The following PRKAR1A variants were observed in gnomAD, a reference collection of about 807,000 sequenced individuals.
PRKAR1A encodes protein kinase cAMP-dependent type I regulatory subunit alpha.
A neutral mutation model predicts 52.0 loss-of-function variants in PRKAR1A; 3 were observed. The observed-to-expected ratio is 0.06, with a 90% confidence interval of 0.03 to 0.15. The LOEUF is 0.15. Among genes scored for constraint, PRKAR1A ranks in the 10% least tolerant of loss-of-function variants. PRKAR1A has a pLI of 1.00. For synonymous variants in PRKAR1A, 188 were observed against 168.4 expected (o/e 1.12, Z -0.90); for missense variants, 240 against 477.4 (o/e 0.50, Z 4.63).
chr17:68,453,016 G>A, the PRKAR1A span: 1 of 1,586,784 alleles, frequency 6.3e-7, no homozygotes, highest in Non-Finnish European at 8.7e-7. Context: ...TGACAGCATG[G>A]GAATAACGAC....
chr17:68,534,560 C>CTTTTTTTTTTTTTTTTTATTTT (rs2086052986), downstream of PRKAR1A, among the ~76,000 whole-genome samples: 1 of 111,056 alleles, frequency 9.0e-6, no homozygotes. Context: ...TTTTTAGTGC[C>CTTTTTTTTTTTTTTTTTATTTT]TTTTTTTTTT....
the PRKAR1A span, among the ~76,000 whole-genome samples, chr17:68,447,906 T>C: frequency 4.7e-5 from 7 of 148,154 alleles, no homozygotes; most frequent in African/African-American, 1.5e-4. Context: ...GGCAGGAGAA[T>C]TGCTTGAACA....
chr17:68,536,191 A>C (rs2086092198), downstream of PRKAR1A: 2 of 453,974 alleles, frequency 4.4e-6, no homozygotes, highest in African/African-American at 2.0e-5. Flanking sequence ...GCTTGGAGAC[A>C]TTTCTGGTTC....
At position 68,524,011 on chromosome 17, in the gene PRKAR1A, T is replaced by G. The variant is rs771949207; in HGVS notation, c.441-5T>G. On this transcript the variant is annotated splice_polypyrimidine_tract_variant and splice_region_variant and intron_variant, in intron 4 of 10. Transcript: ENST00000589228. ...ATGTAACACGAGGCCTTCTCTCTTT[T>G]GCAGTGATATTTTTGATGCCATGTT... 2.5e-6 allele frequency: 4 copies of G among 1,614,086 alleles called. No homozygotes were observed. Among genetic ancestry groups the G allele is most frequent in the Non-Finnish European group, 3.4e-6 (4 of 1,179,964 alleles).
the PRKAR1A span, chr17:68,424,549 G>A: frequency 1.9e-6 from 1 of 528,132 alleles, no homozygotes; most frequent in Non-Finnish European, 3.9e-6. Context: ...CTCCTCTCTG[G>A]CTCTAGGAGC....
At chr17:68,486,009 G>A in the PRKAR1A span, among the ~76,000 whole-genome samples, 1 of 152,166 alleles carries the variant, frequency 6.6e-6, no homozygotes, top group African/African-American at 2.4e-5. Flanking sequence ...AAAGTGCTGA[G>A]ATTACAGGCG....
the PRKAR1A span, among the ~76,000 whole-genome samples, chr17:68,417,375 A>G: frequency 1.3e-5 from 2 of 152,160 alleles, no homozygotes; most frequent in African/African-American, 4.8e-5. Flanking sequence ...CCCCTTTTGG[A>G]AGGATGAAGA....
intron 2 of PRKAR1A, among the ~76,000 whole-genome samples, chr17:68,519,410 G>A (rs947214578): frequency 2.0e-5 from 3 of 152,124 alleles, no homozygotes; most frequent in African/African-American, 7.2e-5. Flanking sequence ...AGCAAAAGGG[G>A]GAAAAGCCCC....
intron 2 of PRKAR1A, 172 bp downstream of exon 2, chr17:68,515,748 C>A: frequency 1.2e-6 from 1 of 823,326 alleles, no homozygotes. Flanking sequence ...TTTAAAAATT[C>A]TTAATTAGTA....
At chr17:68,435,662 G>A in the PRKAR1A span, 11 of 1,614,132 alleles carry the variant, frequency 6.8e-6, no homozygotes, top group African/African-American at 1.3e-4. Context: ...AGGCATTGAA[G>A]GTGATGGCAG....
chr17:68,426,259 A>AATAAAGGGC, the PRKAR1A span: 1 of 1,033,428 alleles, frequency 9.7e-7, no homozygotes, highest in Admixed American at 2.0e-5. Flanking sequence ...CGGGGGCTCA[A>AATAAAGGGC]ATAAAGGGCA....
chr17:68,433,193 A>G, the PRKAR1A span, among the ~76,000 whole-genome samples: 1 of 152,266 alleles, frequency 6.6e-6, no homozygotes, highest in Non-Finnish European at 1.5e-5. Context: ...CAGATGAGGA[A>G]ACTGAAGGAC....
chr17:68,485,488 A>G, the PRKAR1A span, among the ~76,000 whole-genome samples: 1 of 151,954 alleles, frequency 6.6e-6, no homozygotes. Flanking sequence ...TGTTATTTTG[A>G]CCCTTTGATC....
chr17:68,415,551 T>C, the PRKAR1A span, among the ~76,000 whole-genome samples: 13 of 152,336 alleles, frequency 8.5e-5, no homozygotes, highest in East Asian at 1.9e-4. Flanking sequence ...TTACAAGGTA[T>C]AGTTTAAATC....
At chr17:68,496,818 CTTTTTTTTT>C in the PRKAR1A span, among the ~76,000 whole-genome samples, 20,630 of 91,916 alleles carry the variant, frequency 0.22, 1,591 homozygotes, top group African/African-American at 0.32. Context: ...TTAGTTTTTA[CTTTTTTTTT>C]TTTTTTTTTT....
chr17:68,523,973 A>ATT, intron 4 of PRKAR1A, 43 bp from the exon 5 acceptor site: 3 of 1,606,668 alleles, frequency 1.9e-6, no homozygotes, highest in Non-Finnish European at 2.6e-6. Flanking sequence ...AATTCACGGA[A>ATT]GAGACATGTG....
At chr17:68,439,891 G>A in the PRKAR1A span, among the ~76,000 whole-genome samples, 4 of 152,142 alleles carry the variant, frequency 2.6e-5, no homozygotes, top group East Asian at 1.9e-4. Context: ...AATACTGGGC[G>A]TGTCTTTGTG....
chr17:68,546,025 C>G (rs183849238), intron 11 of PRKAR1A, among the ~76,000 whole-genome samples: 105 of 151,958 alleles, frequency 6.9e-4, no homozygotes, highest in African/African-American at 2.5e-3. Context: ...AAAAATTAGC[C>G]AGGCATGGTG....
chr17:68,446,649 G>C, the PRKAR1A span, among the ~76,000 whole-genome samples: 1 of 152,210 alleles, frequency 6.6e-6, no homozygotes, highest in Non-Finnish European at 1.5e-5. Context: ...GCCGTGGTTA[G>C]AACTACGTGG....
Sources: allele counts gnomAD v4.1 joint callset (sites outside exome capture counted in the v4.1 genomes callset), GRCh38; gene constraint gnomAD v4.1.1; transcripts MANE v1.5; gene names NCBI Gene and HGNC (gene_info 2026-07-23, HGNC 2026-07-21).